The following FAF1 variants were observed in gnomAD, a reference collection of about 807,000 sequenced individuals.
FAF1 encodes FAS-associated factor 1.
Under a neutral mutation model 92.5 loss-of-function variants are expected in FAF1, and 25 were observed. The ratio of observed to expected loss-of-function variants is 0.27; its 90% CI spans 0.20 to 0.38. The LOEUF is 0.38. Ranked by LOEUF, FAF1 falls within the 10% of genes least tolerant of loss-of-function variation. FAF1 has a pLI of 1.00. For missense variants in FAF1, 636 were observed against 793.3 expected, an observed-to-expected ratio of 0.80 and a Z score of 2.38; for synonymous variants, 234 against 273.2, an observed-to-expected ratio of 0.86 and a Z score of 1.42.
chr1:50,583,617 G>C lies in FAF1; in HGVS notation c.1031+35C>G, dbSNP rs2124016763. ...AGAAAAATCACAGTAGCATAAAACA[G>C]CATCAAATTTATATAGTTAATGTCC... On this transcript the variant is annotated intron_variant, in intron 11 of 18. Coordinates refer to ENST00000396153, the MANE Select transcript of FAF1 (RefSeq NM_007051.3). The surrounding 1 kb of genome is among the most constrained non-coding windows in gnomAD (Gnocchi z 4.2). 1.5e-6 allele frequency: 2 copies of C among 1,294,466 alleles called. No homozygotes were observed. The highest frequency in any genetic ancestry group is 3.3e-5 in the South Asian group (2 of 60,986). The allele number at this position is 1,294,466 out of a possible 1,614,324, so 80.2% of individuals were successfully genotyped here. A position where few individuals can be genotyped will look rare whatever the true frequency, so the allele number is the denominator to read the frequency against.
intron 7 of FAF1, among the ~76,000 whole-genome samples, chr1:50,658,934 G>A (rs565645796): frequency 6.6e-6 from 1 of 152,270 alleles, no homozygotes; most frequent in East Asian, 1.9e-4. Flanking sequence ...TATGGATGAA[G>A]CACAAGTGAT....
Position 50,688,029 on chromosome 1 carries a change from GGAGGCTGA to G in FAF1, c.657+17749_657+17756del, listed in dbSNP as rs1392683395. Among the ~76,000 whole-genome samples the G allele has an allele frequency of 2.6e-5, 4 of 152,020 alleles. No homozygotes were observed. In the East Asian group the frequency reaches 7.7e-4, roughly 29 times the overall value. On this transcript the variant is annotated intron_variant, in intron 7 of 18. Coordinates refer to ENST00000396153, the MANE Select transcript of FAF1 (RefSeq NM_007051.3). Reference sequence around the variant, plus strand: ...AGGCACCTGTAATCCCAGCTACTCGGGAGGCTGAGGCAGAAGAACAGCGTGAACCCGGG... The same window carrying G: ...AGGCACCTGTAATCCCAGCTACTCGGGGCAGAAGAACAGCGTGAACCCGGG...
In FAF1 at chr1:50,960,066, A is replaced by G. The variant is rs1346987190; in HGVS notation, c.-255T>C. On this transcript the variant is annotated 5_prime_UTR_variant, in exon 1 of 19. Coordinates refer to ENST00000396153, the MANE Select transcript of FAF1 (RefSeq NM_007051.3). ...GAGCCCGCGTCGCAGCAGCCCGGAC[A>G]GGAAGATTGGTCTGGATGTGGGTCC... is the stretch of plus-strand genomic sequence containing the variant. 1 of 393,872 alleles carries G rather than the reference A, an allele frequency of 2.5e-6. No individual in the cohort carries two copies. 24.4% of individuals were successfully genotyped at this position (393,872 alleles called of 1,614,324 possible). A position where few individuals can be genotyped will look rare whatever the true frequency, so the allele number is the denominator to read the frequency against.
At chr1:50,443,089 G>T (rs1163791687) in intron 18 of FAF1, among the ~76,000 whole-genome samples, 1 of 152,258 alleles carries the variant, frequency 6.6e-6, no homozygotes. Flanking sequence ...CTTCTCATTC[G>T]TTGGCATTTT....
chr1:50,899,753 T>A (rs2124708452), intron 1 of FAF1, among the ~76,000 whole-genome samples: 1 of 152,314 alleles, frequency 6.6e-6, no homozygotes, highest in East Asian at 1.9e-4. Context: ...CCCAGCCTCC[T>A]TTAAATATTC....
chr1:50,943,991 G>C (rs1645154548), intron 1 of FAF1, among the ~76,000 whole-genome samples: 1 of 152,256 alleles, frequency 6.6e-6, no homozygotes, highest in Non-Finnish European at 1.5e-5. Context: ...GTTCAGAACA[G>C]TGAGTCTAGT....
chr1:50,817,761 A>G (rs1045646620), intron 2 of FAF1, among the ~76,000 whole-genome samples: 5 of 152,296 alleles, frequency 3.3e-5, no homozygotes, highest in East Asian at 1.9e-4. Context: ...AAATTAGATT[A>G]TAGTGTTGGT....
Position 50,771,600 on chromosome 1 carries a change from T to C in FAF1, c.367+16400A>G, listed in dbSNP as rs371424435. ...GTTATACCAGTCAGAATGGCTATTA[T>C]TAAAAACAAAAAATAATGGGCCCAG... On this transcript the variant is annotated intron_variant, in intron 4 of 18. Transcript: ENST00000396153. 3.3e-5 allele frequency among the ~76,000 whole-genome samples: 5 copies of C among 152,180 alleles called. No individual in the cohort carries two copies. In the East Asian group the frequency reaches 7.7e-4, roughly 23 times the overall value.
Position 50,936,242 on chromosome 1 carries a change from G to T in FAF1, c.45+23525C>A, listed in dbSNP as rs113471094. Among the ~76,000 whole-genome samples the T allele has an allele frequency of 1.3e-3, 205 of 152,204 alleles. 1 individual carries two copies. Among genetic ancestry groups the T allele is most frequent in the African/African-American group, 4.7e-3 (195 of 41,534 alleles). On this transcript the variant is annotated intron_variant, in intron 1 of 18. Transcript: ENST00000396153. ...CTGTAAAGAACTCACAAATTAGTAA[G>T]AAAGACAAACAGATATTTACAAAGT...
intron 13 of FAF1, among the ~76,000 whole-genome samples, chr1:50,563,150 T>C (rs1356034357): frequency 6.6e-6 from 1 of 152,232 alleles, no homozygotes; most frequent in Admixed American, 6.5e-5. Context: ...CTGGAACCAA[T>C]CCTGCATAAC....
chr1:50,907,123 A>G (rs1644845836), intron 1 of FAF1, among the ~76,000 whole-genome samples: 1 of 152,200 alleles, frequency 6.6e-6, no homozygotes, highest in Non-Finnish European at 1.5e-5. Context: ...TCTTTACTGC[A>G]TCTACTGAGA....
chr1:50,649,602 T>C (rs1654762148), intron 8 of FAF1, among the ~76,000 whole-genome samples: 1 of 151,710 alleles, frequency 6.6e-6, no homozygotes, highest in African/African-American at 2.4e-5. Flanking sequence ...CAATTCTGAG[T>C]GAATATTTTG....
intron 6 of FAF1, among the ~76,000 whole-genome samples, chr1:50,708,364 A>G (rs960725960): frequency 1.2e-4 from 19 of 152,176 alleles, no homozygotes; most frequent in Admixed American, 1.2e-3. Context: ...AGAAAAACAT[A>G]ACCCCAAGGT....
At chr1:50,889,339 A>G (rs555882828) in intron 1 of FAF1, among the ~76,000 whole-genome samples, 1 of 152,182 alleles carries the variant, frequency 6.6e-6, no homozygotes, top group East Asian at 1.9e-4. Context: ...TGATTTTTTG[A>G]AGGGTTTTTT....
chr1:50,592,801 G>A (rs764341774), intron 9 of FAF1, among the ~76,000 whole-genome samples: 2 of 152,086 alleles, frequency 1.3e-5, no homozygotes, highest in Non-Finnish European at 2.9e-5. Context: ...TGCCGGGCAT[G>A]GTGGCACATG....
intron 1 of FAF1, among the ~76,000 whole-genome samples, chr1:50,914,898 A>T (rs569961177): frequency 6.6e-6 from 1 of 152,296 alleles, no homozygotes; most frequent in South Asian, 2.1e-4. Context: ...AGCCTAGACT[A>T]AGCATGTTTC....
intron 2 of FAF1, among the ~76,000 whole-genome samples, chr1:50,808,778 T>C (rs763167253): frequency 6.6e-5 from 10 of 152,220 alleles, no homozygotes; most frequent in African/African-American, 9.6e-5. Context: ...CTCTATTTTA[T>C]TGTTTACCCA....
intron 1 of FAF1, among the ~76,000 whole-genome samples, chr1:50,926,280 G>GC (rs1645005657): frequency 6.6e-6 from 1 of 152,104 alleles, no homozygotes; most frequent in Non-Finnish European, 1.5e-5. Context: ...ATCACTTGCA[G>GC]CAACATGGAT....
At chr1:50,460,170 T>A (rs944339406) in intron 18 of FAF1, among the ~76,000 whole-genome samples, 1 of 152,252 alleles carries the variant, frequency 6.6e-6, no homozygotes, top group African/African-American at 2.4e-5. Flanking sequence ...TTTCCCTTTA[T>A]ACCTGACCTC....
Sources: gnomAD v4.1 joint callset for allele counts (sites outside exome capture counted in the v4.1 genomes callset) on GRCh38, gnomAD v4.1.1 for gene constraint, Gnocchi (gnomAD v3.1) non-coding constraint, MANE v1.5 for transcripts, NCBI Gene and HGNC (gene_info 2026-07-23, HGNC 2026-07-21) for gene names.